The following AGBL4 variants were observed in gnomAD, a reference collection of about 807,000 sequenced individuals.
AGBL4 encodes the protein cytosolic carboxypeptidase 6.
Under a neutral mutation model 66.4 loss-of-function variants are expected in AGBL4, and 58 were observed. The observed-to-expected ratio is 0.87, with a 90% CI of 0.71 to 1.09. The LOEUF is 1.09. Ranked by LOEUF, AGBL4 falls within the 50% of genes least tolerant of loss-of-function variation. The pLI is 0.00. For synonymous variants in AGBL4, 234 were observed against 222.9 expected, an observed-to-expected ratio of 1.05 and a Z score of -0.44; for missense variants, 579 against 631.0, an observed-to-expected ratio of 0.92 and a Z score of 0.88.
At chr1:49,117,759 A>G (rs1173756087) in intron 4 of AGBL4, among the ~76,000 whole-genome samples, 1 of 152,132 alleles carries the variant, frequency 6.6e-6, no homozygotes, top group Non-Finnish European at 1.5e-5. Flanking sequence ...CTGTGAAGAA[A>G]GTCATTGGTA....
At chr1:49,575,036 A>G (rs920194205) in intron 3 of AGBL4, among the ~76,000 whole-genome samples, 1 of 152,120 alleles carries the variant, frequency 6.6e-6, no homozygotes, top group African/African-American at 2.4e-5. Flanking sequence ...ACCTCACTAC[A>G]TTACTGACAA....
chr1:48,993,714 GC>G (rs1270125310), intron 5 of AGBL4, among the ~76,000 whole-genome samples: 1 of 152,102 alleles, frequency 6.6e-6, no homozygotes, highest in Non-Finnish European at 1.5e-5. Flanking sequence ...GGCTGGTCTG[GC>G]CTAAATGCTC....
chr1:49,221,511 C>T (rs1043471754), intron 4 of AGBL4, among the ~76,000 whole-genome samples: 1 of 152,072 alleles, frequency 6.6e-6, no homozygotes, highest in Non-Finnish European at 1.5e-5. Flanking sequence ...AACTAAAATG[C>T]AGAATTTACA....
intron 3 of AGBL4, among the ~76,000 whole-genome samples, chr1:49,554,177 C>T (rs4926816): frequency 0.21 from 31,518 of 152,014 alleles, 4,301 homozygotes; most frequent in Middle Eastern, 0.36. Context: ...ACATATAGAA[C>T]CAGGATTTAA....
At chr1:49,396,731 C>T (rs1172232746) in intron 3 of AGBL4, among the ~76,000 whole-genome samples, 1 of 152,146 alleles carries the variant, frequency 6.6e-6, no homozygotes, top group Non-Finnish European at 1.5e-5. Flanking sequence ...GATCCCACTC[C>T]TCTTCACTGT....
chr1:49,188,788 C>T (rs1279762566), intron 4 of AGBL4, among the ~76,000 whole-genome samples: 1 of 152,162 alleles, frequency 6.6e-6, no homozygotes, highest in Non-Finnish European at 1.5e-5. Flanking sequence ...AGTCTCTTAA[C>T]CTCTCTGAGC....
intron 3 of AGBL4, among the ~76,000 whole-genome samples, chr1:49,490,182 T>C (rs1303098095): frequency 1.3e-5 from 2 of 151,808 alleles, no homozygotes; most frequent in Middle Eastern, 3.2e-3. Context: ...CATTATCTAG[T>C]TTAGATTAAT....
intron 1 of AGBL4, among the ~76,000 whole-genome samples, chr1:50,001,842 T>C (rs1174987500): frequency 1.3e-5 from 2 of 152,192 alleles, no homozygotes; most frequent in African/African-American, 4.8e-5. Flanking sequence ...TCTAATCTAA[T>C]TCTTTATTAT....
chr1:48,694,252 G>A (rs1054235306), intron 6 of AGBL4, among the ~76,000 whole-genome samples: 1 of 152,090 alleles, frequency 6.6e-6, no homozygotes, highest in Non-Finnish European at 1.5e-5. Context: ...GGATGGGTGA[G>A]GATTGAGAGA....
intron 3 of AGBL4, among the ~76,000 whole-genome samples, chr1:49,537,128 G>T (rs572872254): frequency 6.6e-6 from 1 of 151,956 alleles, no homozygotes; most frequent in African/African-American, 2.4e-5. Flanking sequence ...ATCTCTCACC[G>T]TATATAAAAA....
At chr1:49,981,334 T>C (rs564434906) in intron 1 of AGBL4, among the ~76,000 whole-genome samples, 37 of 152,132 alleles carry the variant, frequency 2.4e-4, no homozygotes, top group Non-Finnish European at 4.4e-4. Context: ...GTCAGAATAA[T>C]ACCAAAAGGA....
chr1:49,090,370 A>G (rs1466031047), intron 4 of AGBL4, among the ~76,000 whole-genome samples: 1 of 152,188 alleles, frequency 6.6e-6, no homozygotes, highest in Admixed American at 6.5e-5. Context: ...CCTAGATCTG[A>G]CAAACAACTT....
At chr1:49,351,475 A>C (rs1342038796) in intron 3 of AGBL4, among the ~76,000 whole-genome samples, 1 of 151,988 alleles carries the variant, frequency 6.6e-6, no homozygotes, top group African/African-American at 2.4e-5. Context: ...ATATATATGA[A>C]TAAACCATGG....
At chr1:49,736,451 A>G (rs1649896200) in intron 2 of AGBL4, among the ~76,000 whole-genome samples, 1 of 152,168 alleles carries the variant, frequency 6.6e-6, no homozygotes, top group Non-Finnish European at 1.5e-5. Flanking sequence ...AGAAAATTCA[A>G]AAATCCATGG....
At chr1:49,144,621 G>C (rs1646182231) in intron 4 of AGBL4, among the ~76,000 whole-genome samples, 1 of 151,852 alleles carries the variant, frequency 6.6e-6, no homozygotes, top group Non-Finnish European at 1.5e-5. Flanking sequence ...CCCTGATATG[G>C]ATGAGACATA....
intron 2 of AGBL4, among the ~76,000 whole-genome samples, chr1:49,726,098 A>T (rs1221757336): frequency 6.6e-6 from 1 of 152,084 alleles, no homozygotes; most frequent in African/African-American, 2.4e-5. Flanking sequence ...GTATAATGAC[A>T]ATGACGGTAG....
At chr1:49,001,264 G>A (rs1028512156) in intron 5 of AGBL4, among the ~76,000 whole-genome samples, 2 of 152,256 alleles carry the variant, frequency 1.3e-5, no homozygotes, top group East Asian at 1.9e-4. Context: ...TTTAGATAAT[G>A]GCTTCTTAAA....
At chr1:49,684,594 T>C (rs1646754209) in intron 3 of AGBL4, among the ~76,000 whole-genome samples, 1 of 152,140 alleles carries the variant, frequency 6.6e-6, no homozygotes, top group Non-Finnish European at 1.5e-5. Flanking sequence ...TAAAGCACAA[T>C]AAAAGGTGAA....
intron 2 of AGBL4, among the ~76,000 whole-genome samples, chr1:49,716,017 G>A (rs949438844): frequency 5.3e-5 from 8 of 152,142 alleles, no homozygotes; most frequent in Admixed American, 6.6e-5. Flanking sequence ...TAGTCATGAA[G>A]TCGTTGCCCA....
Sources: gnomAD v4.1 joint callset for allele counts (sites outside exome capture counted in the v4.1 genomes callset) on GRCh38, gnomAD v4.1.1 for gene constraint, MANE v1.5 for transcripts, NCBI Gene and HGNC (gene_info 2026-07-23, HGNC 2026-07-21) for gene names.